LMX1A: variants seen among roughly 807,000 people sequenced by gnomAD.
LMX1A encodes the protein LIM homeobox transcription factor 1-alpha.
In LMX1A, 15 loss-of-function variants were observed where a neutral mutation model predicts 49.1. The ratio of observed to expected loss-of-function variants is 0.31; its 90% CI spans 0.20 to 0.47. LMX1A has a LOEUF of 0.47. Ranked by LOEUF, LMX1A falls within the 20% of genes least tolerant of loss-of-function variation. The pLI is 1.00. For missense variants in LMX1A, 372 were observed against 475.8 expected (o/e 0.78, Z 2.03); for synonymous variants, 167 against 185.7 (o/e 0.90, Z 0.82).
intron 6 of LMX1A, 171 bp downstream of exon 6, chr1:165,210,528 T>A (rs1431458133): frequency 2.3e-6 from 1 of 440,050 alleles, no homozygotes; most frequent in Non-Finnish European, 4.0e-6. Flanking sequence ...TCTCCCCTTC[T>A]GCAGGGCTGC....
In LMX1A at chr1:165,311,273, T is replaced by C. The variant is rs923326384; in HGVS notation, c.263+41803A>G. Among the ~76,000 whole-genome samples the C allele has an allele frequency of 2.0e-5, 3 of 152,320 alleles. No individual in the cohort carries two copies. In the East Asian group the frequency reaches 5.8e-4, roughly 29 times the overall value. On this transcript the variant is annotated intron_variant, in intron 3 of 8. Coordinates refer to ENST00000342310, the MANE Select transcript of LMX1A (RefSeq NM_177398.4). ...TAAATACTTTATTGGAGGTTCCTAATTATATGAAAAATGATCTCCCATCTG... is the reference window on the plus strand; with the variant it reads ...TAAATACTTTATTGGAGGTTCCTAACTATATGAAAAATGATCTCCCATCTG...
At chr1:165,214,744 G>A (rs1651578027) in intron 4 of LMX1A, among the ~76,000 whole-genome samples, 1 of 152,216 alleles carries the variant, frequency 6.6e-6, no homozygotes, top group Non-Finnish European at 1.5e-5. Context: ...AGATAACTCA[G>A]AATGGACAGG....
At chr1:165,218,635 A>C (rs1651724734) in intron 4 of LMX1A, 1 of 152,268 alleles carries the variant, frequency 6.6e-6, no homozygotes, top group Non-Finnish European at 1.5e-5. Flanking sequence ...TTCTCCATGA[A>C]AATATGCAGT....
At chr1:165,326,929 GC>G (rs1655601972) in intron 3 of LMX1A, among the ~76,000 whole-genome samples, 1 of 152,176 alleles carries the variant, frequency 6.6e-6, no homozygotes, top group African/African-American at 2.4e-5. Context: ...GTGCAGGGCA[GC>G]CCCCTCACCC....
At chr1:165,289,254 A>AG (rs756605852) in intron 3 of LMX1A, among the ~76,000 whole-genome samples, 37 of 134,420 alleles carry the variant, frequency 2.8e-4, no homozygotes, top group Non-Finnish European at 5.1e-4. Context: ...AAAAAAAAAA[A>AG]AGAGAGAGAG....
intron 3 of LMX1A, among the ~76,000 whole-genome samples, chr1:165,277,377 C>A (rs181106191): frequency 1.9e-4 from 29 of 152,204 alleles, no homozygotes; most frequent in Admixed American, 4.6e-4. Context: ...CAGAAGACAT[C>A]TCTGCCAAAT....
chr1:165,209,736 A>G (rs899751161), intron 6 of LMX1A, among the ~76,000 whole-genome samples: 1 of 152,228 alleles, frequency 6.6e-6, no homozygotes, highest in African/African-American at 2.4e-5. Flanking sequence ...ATAAAGCAGT[A>G]AATATAAGTA....
intron 3 of LMX1A, among the ~76,000 whole-genome samples, chr1:165,272,797 T>C (rs1452849020): frequency 6.6e-6 from 1 of 152,134 alleles, no homozygotes; most frequent in East Asian, 1.9e-4. Context: ...ATTGATGGTG[T>C]GGTTTAGTGG....
chr1:165,302,559 T>A (rs948706849), intron 3 of LMX1A, among the ~76,000 whole-genome samples: 2 of 152,200 alleles, frequency 1.3e-5, no homozygotes, highest in Non-Finnish European at 2.9e-5. Context: ...TCCTCCTCAC[T>A]CATTCACTAC....
intron 3 of LMX1A, among the ~76,000 whole-genome samples, chr1:165,305,906 G>T (rs1557879172): frequency 6.6e-6 from 1 of 152,124 alleles, no homozygotes; most frequent in Non-Finnish European, 1.5e-5. Flanking sequence ...GCACAGCCCT[G>T]GTCCTGACAT....
chr1:165,332,989 T>C (rs1360668157), intron 3 of LMX1A, among the ~76,000 whole-genome samples: 1 of 152,198 alleles, frequency 6.6e-6, no homozygotes, highest in Non-Finnish European at 1.5e-5. Context: ...CTCACTCCCA[T>C]CTATGCCTCT....
At chr1:165,220,605 G>C (rs1396381695) in intron 4 of LMX1A, among the ~76,000 whole-genome samples, 1 of 152,246 alleles carries the variant, frequency 6.6e-6, no homozygotes, top group Non-Finnish European at 1.5e-5. Context: ...TGCAAGGCTT[G>C]TCTACTTCCA....
At chr1:165,319,760 G>A (rs965218142) in intron 3 of LMX1A, among the ~76,000 whole-genome samples, 4 of 152,044 alleles carry the variant, frequency 2.6e-5, no homozygotes, top group Non-Finnish European at 5.9e-5. Context: ...TAATGGGGGA[G>A]GGGAAAATAC....
chr1:165,351,382 G>A (rs1948743), intron 3 of LMX1A, among the ~76,000 whole-genome samples: 30,746 of 152,114 alleles, frequency 0.2, 3,450 homozygotes, highest in African/African-American at 0.29. Flanking sequence ...TTATTCAAAG[G>A]TGATACTTGA....
At chr1:165,240,597 G>C (rs74465564) in intron 4 of LMX1A, among the ~76,000 whole-genome samples, 21,042 of 152,192 alleles carry the variant, frequency 0.14, 1,562 homozygotes, top group African/African-American at 0.17. Flanking sequence ...AATATTTGTT[G>C]AATTAAAGGT....
At chr1:165,340,100 A>G (rs1308733992) in intron 3 of LMX1A, among the ~76,000 whole-genome samples, 1 of 152,050 alleles carries the variant, frequency 6.6e-6, no homozygotes, top group Non-Finnish European at 1.5e-5. Context: ...CTATGCCTCT[A>G]GCAAACCTAG....
At chr1:165,277,080 A>G (rs2101701863) in intron 3 of LMX1A, among the ~76,000 whole-genome samples, 1 of 152,386 alleles carries the variant, frequency 6.6e-6, no homozygotes, top group South Asian at 2.1e-4. Context: ...GCAAGAGCAC[A>G]ACAGCTCTGG....
At chr1:165,301,126 C>G (rs1046190980) in intron 3 of LMX1A, among the ~76,000 whole-genome samples, 1 of 151,740 alleles carries the variant, frequency 6.6e-6, no homozygotes, top group African/African-American at 2.4e-5. Flanking sequence ...AATTCCAAAC[C>G]TGGTGAGAAC....
intron 4 of LMX1A, among the ~76,000 whole-genome samples, chr1:165,242,946 A>C (rs1300059132): frequency 5.6e-5 from 8 of 142,512 alleles, no homozygotes; most frequent in African/African-American, 1.5e-4. Flanking sequence ...AAAAAAAAAA[A>C]ACAAAACAAA....
Sources: allele counts gnomAD v4.1 joint callset (sites outside exome capture counted in the v4.1 genomes callset), GRCh38; gene constraint gnomAD v4.1.1; transcripts MANE v1.5; gene names NCBI Gene and HGNC (gene_info 2026-07-23, HGNC 2026-07-21).